RB1: variants seen among roughly 807,000 people sequenced by gnomAD.
The protein encoded by RB1 is retinoblastoma-associated protein.
A neutral mutation model predicts 135.4 loss-of-function variants in RB1; 18 were observed. The observed-to-expected ratio is 0.13, with a 90% CI of 0.09 to 0.20. The LOEUF (loss-of-function observed/expected upper bound fraction) is 0.20. RB1 is among the 10% of genes least tolerant of loss of function. The pLI, the probability that RB1 is intolerant of heterozygous loss-of-function variation, is 1.00. For missense variants in RB1, 868 were observed against 1,110.0 expected (o/e 0.78, Z 3.10); for synonymous variants, 365 against 373.2 (o/e 0.98, Z 0.25).
At position 48,303,766 on chromosome 13, in the gene RB1, G is replaced by A. The variant is rs1952049346; in HGVS notation, c.-147G>A. 3.2e-6 allele frequency: 4 copies of A among 1,254,964 alleles called. No homozygotes were observed. Among genetic ancestry groups the A allele is most frequent in the Non-Finnish European group, 4.3e-6 (4 of 939,810 alleles). The allele number at this position is 1,254,964 out of a possible 1,614,324, so 77.7% of individuals were successfully genotyped here. A position where few individuals can be genotyped will look rare whatever the true frequency, so the allele number is the denominator to read the frequency against. On this transcript the variant is annotated 5_prime_UTR_variant, in exon 1 of 27. Coordinates refer to ENST00000267163, the MANE Select transcript of RB1 (RefSeq NM_000321.3). ...CGCGGCGCTCAGTTGCCGGGCGGGG[G>A]AGGGCGCGTCCGGTTTTTCTCAGGG...
chr13:48,401,121 A>G (rs1948688034), intron 17 of RB1, among the ~76,000 whole-genome samples: 2 of 152,160 alleles, frequency 1.3e-5, no homozygotes, highest in East Asian at 3.8e-4. Flanking sequence ...TTAGTTCACT[A>G]TTCAAGTACA....
At chr13:48,418,184 C>G (rs974463269) in intron 17 of RB1, among the ~76,000 whole-genome samples, 1 of 152,196 alleles carries the variant, frequency 6.6e-6, no homozygotes, top group African/African-American at 2.4e-5. Context: ...GTGGATCTCT[C>G]TGCAGAAACC....
intron 20 of RB1, 57 bp from the exon 21 acceptor site, chr13:48,463,674 T>G: frequency 9.3e-7 from 1 of 1,078,070 alleles, no homozygotes; most frequent in Non-Finnish European, 1.4e-6. Flanking sequence ...TGGTATTTTT[T>G]AAGAACAAAA....
chr13:48,436,430 G>A (rs1179486135), intron 17 of RB1, among the ~76,000 whole-genome samples: 3 of 152,188 alleles, frequency 2.0e-5, no homozygotes, highest in Non-Finnish European at 4.4e-5. Context: ...ATCACCTGCG[G>A]TCAGAAGTTC....
chr13:48,389,964 G>A (rs184029677), intron 17 of RB1, among the ~76,000 whole-genome samples: 176 of 152,224 alleles, frequency 1.2e-3, no homozygotes, highest in South Asian at 4.1e-3. Context: ...ACCAGCCTTG[G>A]CAACATAGGG....
At chr13:48,347,613 A>G (rs1048376005) in intron 4 of RB1, among the ~76,000 whole-genome samples, 5 of 151,980 alleles carry the variant, frequency 3.3e-5, no homozygotes, top group Non-Finnish European at 7.4e-5. Context: ...TTTTTTGAAG[A>G]CTAATTGAGA....
At chr13:48,307,052 C>G (rs1235974328) in intron 1 of RB1, among the ~76,000 whole-genome samples, 2 of 152,122 alleles carry the variant, frequency 1.3e-5, no homozygotes, top group Non-Finnish European at 2.9e-5. Flanking sequence ...ACCATGCAAG[C>G]AAATATTTTT....
rs187110786 is a variant in RB1, at chr13:48,342,724, C to G, written c.380+10C>G. ...AAAACATAGAAATCAGGTAAAGTTT[C>G]TTGTATAAATATAAGCCTCTGCCAT... is the stretch of plus-strand genomic sequence containing the variant. On this transcript the variant is annotated intron_variant, in intron 3 of 26. Transcript: ENST00000267163. The G allele has an allele frequency of 2.1e-3, 3,329 of 1,551,550 alleles. 4 individuals are homozygous for G. The highest frequency in any genetic ancestry group is 2.5e-3 in the Non-Finnish European group (2,837 of 1,123,688).
chr13:48,434,628 G>A (rs979970660), intron 17 of RB1, among the ~76,000 whole-genome samples: 2 of 152,002 alleles, frequency 1.3e-5, no homozygotes, highest in Non-Finnish European at 2.9e-5. Flanking sequence ...CACTATTCAG[G>A]GGTTTCCACT....
At chr13:48,359,573 T>G (rs1374514876) in intron 6 of RB1, among the ~76,000 whole-genome samples, 1 of 147,620 alleles carries the variant, frequency 6.8e-6, no homozygotes, top group African/African-American at 2.4e-5. Flanking sequence ...TGAATTCTAA[T>G]TATTATAATA....
chr13:48,389,487 A>AT (rs1266001180), intron 17 of RB1: 1 of 152,210 alleles, frequency 6.6e-6, no homozygotes, highest in Non-Finnish European at 1.5e-5. Flanking sequence ...ATATAAACAT[A>AT]TTTTTTAAAT....
At chr13:48,345,490 T>C (rs1952484416) in intron 4 of RB1, among the ~76,000 whole-genome samples, 1 of 152,150 alleles carries the variant, frequency 6.6e-6, no homozygotes. Flanking sequence ...AAACTTCTAG[T>C]TCTGAATAGA....
intron 2 of RB1, among the ~76,000 whole-genome samples, chr13:48,338,299 G>A (rs559805828): frequency 3.9e-5 from 6 of 152,120 alleles, no homozygotes; most frequent in Non-Finnish European, 5.9e-5. Flanking sequence ...CATTCTCCCT[G>A]TCACTTTCAG....
Position 48,453,060 on chromosome 13 carries a change from C to T in RB1, c.1763C>T (p.Ser588Phe), listed in dbSNP as rs1555293637. The change falls in exon 18 of 27, where the codon TCT (serine) becomes TTT (phenylalanine). Residue 588 changes from serine to phenylalanine, a missense_variant. Physicochemically the swap from Ser to Phe is radical, Grantham distance 155. Transcript: ENST00000267163. ...GAAGGACCAACTGATCACCTTGAAT[C>T]TGCTTGTCCTCTTAATCTTCCTCTC... ...DREGPTDHLE[S>F]ACPLNLPLQN... 6 of 1,613,222 alleles carry T rather than the reference C, an allele frequency of 3.7e-6. No individual in the cohort carries two copies. Among genetic ancestry groups the T allele is most frequent in the Non-Finnish European group, 5.1e-6 (6 of 1,179,690 alleles).
chr13:48,416,112 GA>G (rs1168669910), intron 17 of RB1, among the ~76,000 whole-genome samples: 2 of 152,036 alleles, frequency 1.3e-5, no homozygotes, highest in African/African-American at 4.8e-5. Context: ...TGGGGGGAGC[GA>G]AAATTAAACA....
At chr13:48,360,178 T>C (rs542010212) in intron 7 of RB1, 51 bp downstream of exon 7, 4 of 1,606,944 alleles carry the variant, frequency 2.5e-6, no homozygotes, top group East Asian at 2.2e-5. Flanking sequence ...CAGTTGCTTA[T>C]TGAATGTCTA....
At chr13:48,440,712 G>A (rs1438399652) in intron 17 of RB1, among the ~76,000 whole-genome samples, 1 of 152,122 alleles carries the variant, frequency 6.6e-6, no homozygotes, top group Admixed American at 6.5e-5. Flanking sequence ...CATAGATAAA[G>A]GGTTTTCTTT....
chr13:48,440,151 A>G (rs967543931), intron 17 of RB1, among the ~76,000 whole-genome samples: 3 of 152,154 alleles, frequency 2.0e-5, no homozygotes, highest in Non-Finnish European at 2.9e-5. Context: ...CCTGGCATGC[A>G]TGTTTAATAA....
chr13:48,321,728 C>T (rs375134755), intron 2 of RB1, among the ~76,000 whole-genome samples: 8 of 152,026 alleles, frequency 5.3e-5, no homozygotes, highest in African/African-American at 1.7e-4. Flanking sequence ...TGGTGGCATG[C>T]GCCTGTAATC....
Sources: allele counts gnomAD v4.1 joint callset (sites outside exome capture counted in the v4.1 genomes callset), GRCh38; gene constraint gnomAD v4.1.1; transcripts MANE v1.5; gene names NCBI Gene and HGNC (gene_info 2026-07-23, HGNC 2026-07-21).